Variants in FOXM1 observed in about 807,000 individuals in gnomAD.
The protein encoded by FOXM1 is forkhead box M1.
Under a neutral mutation model 63.6 loss-of-function variants are expected in FOXM1, and 25 were observed. That is an observed-to-expected ratio of 0.39 (90% CI 0.29 to 0.55). FOXM1 has a LOEUF of 0.55. Ranked by LOEUF, FOXM1 falls within the 20% of genes least tolerant of loss-of-function variation. FOXM1 has a pLI of 0.60. For missense variants in FOXM1, 879 were observed against 958.7 expected, an observed-to-expected ratio of 0.92 and a Z score of 1.10; for synonymous variants, 387 against 376.9, an observed-to-expected ratio of 1.03 and a Z score of -0.31.
Position 2,859,546 on chromosome 12 carries a change from C to T in FOXM1, c.1384G>A (p.Glu462Lys). 1 of 1,614,074 alleles carries T rather than the reference C, an allele frequency of 6.2e-7. No individual in the cohort carries two copies. The highest frequency in any genetic ancestry group is 8.5e-7 in the Non-Finnish European group (1 of 1,179,986). The change falls in exon 9 of 9, where the codon GAA becomes AAA. Residue 462 changes from glutamate (E) to lysine (K), a missense_variant. Coordinates refer to ENST00000359843, the MANE Select transcript of FOXM1 (RefSeq NM_021953.4). ...ATTTCCTCCCCAGGCTGGATTTCTT[C>T]CTCCTTGATAGTCTGAACTGGAAGC... is the stretch of plus-strand genomic sequence containing the variant. ...PLLPVQTIKEEEIQPGEEMPH... is the reference protein window; with the variant it reads ...PLLPVQTIKEKEIQPGEEMPH...
rs991470835 is a variant in FOXM1 at position 2,858,013 on chromosome 12, A to T, written c.*625T>A. On this transcript the variant is annotated 3_prime_UTR_variant, in exon 9 of 9. Transcript: ENST00000359843. ...TTTAACCAGGATTTCTTCTTGCAGG[A>T]AAGCTGACTTGGAAACACGGGGAGG... The T allele has an allele frequency of 6.5e-6, 1 of 152,798 alleles. No individual in the cohort carries two copies. Among genetic ancestry groups the T allele is most frequent in the African/African-American group, 2.4e-5 (1 of 41,458 alleles). 9.5% of individuals were successfully genotyped at this position (152,798 alleles called of 1,614,324 possible).
At chr12:2,871,070 G>A (rs1464463172) in intron 3 of FOXM1, among the ~76,000 whole-genome samples, 1 of 151,750 alleles carries the variant, frequency 6.6e-6, no homozygotes, top group East Asian at 1.9e-4. Flanking sequence ...TGGGAGGAGG[G>A]GGAGACAGAA....
chr12:2,868,403 T>C, intron 4 of FOXM1, 160 bp downstream of exon 4: 1 of 556,788 alleles, frequency 1.8e-6, no homozygotes, highest in Non-Finnish European at 3.1e-6. Context: ...TGATTTTGCC[T>C]GGATTCAATA....
chr12:2,868,582 A>G lies in FOXM1; in HGVS notation c.827T>C (p.Ile276Thr). 1 of 1,611,704 alleles carries G rather than the reference A, an allele frequency of 6.2e-7. No individual in the cohort carries two copies. The highest frequency in any genetic ancestry group is 8.5e-7 in the Non-Finnish European group (1 of 1,178,740). Residue 276 changes from isoleucine to threonine, a missense_variant, in exon 4 of 9, where the codon ATT becomes ACT. Ile to Thr is a moderately conservative substitution (Grantham distance 89). Coordinates refer to ENST00000359843, the MANE Select transcript of FOXM1 (RefSeq NM_021953.4). ...IEDHFPYFKH[I>T]AKPGWKNSIR... Reference sequence around the variant, plus strand: ...CATTACCTTCCAGCCTGGCTTGGCAATGTGCTTAAAGTAGGGAAAGTGGTC... The same window carrying G: ...CATTACCTTCCAGCCTGGCTTGGCAGTGTGCTTAAAGTAGGGAAAGTGGTC...
chr12:2,871,660 A>AT (rs1555104585), intron 3 of FOXM1, among the ~76,000 whole-genome samples: 119 of 150,472 alleles, frequency 7.9e-4, no homozygotes, highest in African/African-American at 2.5e-3. Context: ...TTAAAAAAAA[A>AT]AAATATATAT....
Position 2,874,341 on chromosome 12 carries a change from G to A in FOXM1, c.138C>T (p.Ala46=). Residue 46 remains alanine (A), a synonymous_variant, in exon 2 of 9, where the codon GCC becomes GCT. Coordinates refer to ENST00000359843, the MANE Select transcript of FOXM1 (RefSeq NM_021953.4). This position sits in a 1 kb window ranked among gnomAD's most constrained non-coding sequence, Gnocchi z 4.3. The part of the protein sequence containing the change: ...PAQQESNQAE[A]SKEVAESNSC... ...AGTTGGACTCTGCCACTTCCTTGGA[G>A]GCCTCTGCTTGATTAGACTCCTGTT... The A allele has an allele frequency of 6.2e-7, 1 of 1,614,134 alleles. No homozygotes were observed. The highest frequency in any genetic ancestry group is 8.5e-7 in the Non-Finnish European group (1 of 1,180,040).
chr12:2,873,878 A>C, intron 2 of FOXM1, 99 bp downstream of exon 2: 1 of 1,376,662 alleles, frequency 7.3e-7, no homozygotes, highest in Non-Finnish European at 9.9e-7. Flanking sequence ...GTGCTCGGCC[A>C]GAAGCCTGAC....
At chr12:2,876,734 A>G (rs1046825668) in intron 1 of FOXM1, among the ~76,000 whole-genome samples, 186 bp downstream of exon 1, 6 of 152,200 alleles carry the variant, frequency 3.9e-5, no homozygotes, top group African/African-American at 1.4e-4. Flanking sequence ...AAGCAGTGAG[A>G]AGGCCACGGC....
Position 2,859,318 on chromosome 12 carries a change from T to C in FOXM1, c.1612A>G (p.Arg538Gly), listed in dbSNP as rs1192207416. 1 of 1,613,400 alleles carries C rather than the reference T, an allele frequency of 6.2e-7. No individual in the cohort carries two copies. Residue 538 changes from arginine to glycine, a missense_variant, in exon 9 of 9, where the codon AGG becomes GGG. Transcript: ENST00000359843. The stretch of plus-strand genomic sequence containing the variant: ...CTCCGAGACCGGCTCCTCTCCCTCC[T>C]CTCCCTGTGTTGAATCACAAGCATT... ...SEMLVIQHRE[R>G]RERSRSRRKQ...
intron 3 of FOXM1, among the ~76,000 whole-genome samples, chr12:2,870,710 C>T (rs2098131668): frequency 6.6e-6 from 1 of 151,642 alleles, no homozygotes; most frequent in Admixed American, 6.6e-5. Flanking sequence ...CCTGTAATCC[C>T]AGCACTTTGG....
chr12:2,862,181 G>GAAAAAAAA (rs962205817), intron 8 of FOXM1, among the ~76,000 whole-genome samples: 1 of 102,434 alleles, frequency 9.8e-6, no homozygotes, highest in African/African-American at 3.4e-5. Flanking sequence ...TCCGTCTCAG[G>GAAAAAAAA]AAAAAAAAAA....
chr12:2,872,341 G>T lies in FOXM1; in HGVS notation c.503-94C>A. 7.6e-7 allele frequency: 1 copy of T among 1,318,544 alleles called. No individual in the cohort carries two copies. The highest frequency in any genetic ancestry group is 1.1e-6 in the Non-Finnish European group (1 of 930,340). The allele number at this position is 1,318,544 out of a possible 1,614,324, so 81.7% of individuals were successfully genotyped here. A position where few individuals can be genotyped will look rare whatever the true frequency, so the allele number is the denominator to read the frequency against. On this transcript the variant is annotated intron_variant, in intron 2 of 8. Transcript: ENST00000359843. The surrounding 1 kb of genome is among the most constrained non-coding windows in gnomAD (Gnocchi z 4.0). ...TGGTGGCTAGCAGGCCGGGTGCAGT[G>T]GCTCACACCTGTAATCCTAGCACTT...
chr12:2,858,689 T>C lies in FOXM1; in HGVS notation c.2241A>G (p.Pro747=), dbSNP rs1456095558. 1 of 1,614,176 alleles carries C rather than the reference T, an allele frequency of 6.2e-7. No homozygotes were observed. The highest frequency in any genetic ancestry group is 8.5e-7 in the Non-Finnish European group (1 of 1,180,024). The change falls in exon 9 of 9, where the codon CCA becomes CCG. Residue 747 remains proline (P), a synonymous_variant. Transcript: ENST00000359843. ...ACCAGTTGATGTTGTCAGGGCCCAGTGGGTCCTCGTCCAGGCCAGGAAAGC... is the reference window on the plus strand; with the variant it reads ...ACCAGTTGATGTTGTCAGGGCCCAGCGGGTCCTCGTCCAGGCCAGGAAAGC... ...DISFPGLDED[P]LGPDNINWSQ... is the part of the protein sequence containing the mutation.
At position 2,858,149 on chromosome 12, in the gene FOXM1, G is replaced by A. The variant is rs1039809652; in HGVS notation, c.*489C>T. 6.5e-6 allele frequency: 1 copy of A among 154,770 alleles called. No individual in the cohort carries two copies. The highest frequency in any genetic ancestry group is 6.4e-5 in the Admixed American group (1 of 15,666). The allele number at this position is 154,770 out of a possible 1,614,324, so 9.6% of individuals were successfully genotyped here. On this transcript the variant is annotated 3_prime_UTR_variant, in exon 9 of 9. Transcript: ENST00000359843. Reference sequence around the variant, plus strand: ...AGCCTGGAAGAAACCGTGCACTGCAGGTCTTCCCTTCTATCAAAACTAAAA... The same window carrying A: ...AGCCTGGAAGAAACCGTGCACTGCAAGTCTTCCCTTCTATCAAAACTAAAA...
chr12:2,872,046 A>T lies in FOXM1; in HGVS notation c.654+50T>A, dbSNP rs2098134072. 6.2e-7 allele frequency: 1 copy of T among 1,601,634 alleles called. No homozygotes were observed. Among genetic ancestry groups the T allele is most frequent in the Non-Finnish European group, 8.6e-7 (1 of 1,169,092 alleles). ...CACTTGATCCATTTCCCTACCTAGG[A>T]ATTCCCTACACTGGATCTGATTTCT... is the stretch of plus-strand genomic sequence containing the variant. On this transcript the variant is annotated intron_variant, in intron 3 of 8. Coordinates refer to ENST00000359843, the MANE Select transcript of FOXM1 (RefSeq NM_021953.4). The surrounding 1 kb of genome is among the most constrained non-coding windows in gnomAD (Gnocchi z 4.0).
rs1233048288 is a variant in FOXM1, at chr12:2,864,740, G to A, written c.1033C>T (p.Pro345Ser). Reference protein sequence around the residue: ...PEHLESQQKRPNPELRRNMTI... With the variant: ...PEHLESQQKRSNPELRRNMTI... ...ATGTTCCGGCGGAGCTCTGGATTCG[G>A]TCGTTTCTGCTGCTGCTTGTGGCAG... is the stretch of plus-strand genomic sequence containing the variant. The change falls in exon 7 of 9, where the codon CCG becomes TCG. Residue 345 changes from proline (P) to serine (S), a missense_variant. Physicochemically the swap from Pro to Ser is moderately conservative, Grantham distance 74 (BLOSUM62 -1). Around this residue, in one of 4 missense-constraint regions of FOXM1, gnomAD observed 76 missense variants for 94.5 expected, o/e 0.80. Transcript: ENST00000359843. This position sits in a 1 kb window ranked among gnomAD's most constrained non-coding sequence, Gnocchi z 5.1. 1 of 1,614,074 alleles carries A rather than the reference G, an allele frequency of 6.2e-7. No individual in the cohort carries two copies. Among genetic ancestry groups the A allele is most frequent in the East Asian group, 2.2e-5 (1 of 44,884 alleles).
chr12:2,870,561 G>A (rs530899343), intron 3 of FOXM1, among the ~76,000 whole-genome samples: 2 of 148,044 alleles, frequency 1.4e-5, no homozygotes, highest in South Asian at 4.3e-4. Context: ...TACTCGGGAG[G>A]CTGAGGCAGG....
Position 2,859,015 on chromosome 12 carries a change from G to A in FOXM1, c.1915C>T (p.Pro639Ser), listed in dbSNP as rs139471742. 7.4e-6 allele frequency: 12 copies of A among 1,612,250 alleles called. No homozygotes were observed. Among genetic ancestry groups the A allele is most frequent in the Admixed American group, 1.7e-5 (1 of 59,914 alleles). Residue 639 changes from proline (P) to serine (S), a missense_variant, in exon 9 of 9, where the codon CCA becomes TCA. By Grantham distance (74) the Pro-to-Ser change is moderately conservative (BLOSUM62 -1). Coordinates refer to ENST00000359843, the MANE Select transcript of FOXM1 (RefSeq NM_021953.4). ...PAKVGGLDFSPVQTSQGASDP... is the reference protein window; with the variant it reads ...PAKVGGLDFSSVQTSQGASDP... Reference sequence around the variant, plus strand: ...GAGGCACCCTGGGAGGTTTGTACTGGGCTGAAATCCAGTCCCCCTACTTTG... The same window carrying A: ...GAGGCACCCTGGGAGGTTTGTACTGAGCTGAAATCCAGTCCCCCTACTTTG...
At chr12:2,876,393 A>G (rs1308335170) in intron 1 of FOXM1, 2 of 152,070 alleles carry the variant, frequency 1.3e-5, no homozygotes. Context: ...CCAGCCCGTT[A>G]TTATTATTGC....
Sources: gnomAD v4.1 joint callset for allele counts (sites outside exome capture counted in the v4.1 genomes callset) on GRCh38, gnomAD v4.1.1 for gene constraint, gnomAD v4.1.1 regional missense constraint, Gnocchi (gnomAD v3.1) non-coding constraint, MANE v1.5 for transcripts, NCBI Gene and HGNC (gene_info 2026-07-23, HGNC 2026-07-21) for gene names.